Variants in SLC44A2 observed in about 807,000 individuals in gnomAD.
SLC44A2 encodes the protein choline transporter-like protein 2.
In SLC44A2, 57 loss-of-function variants were observed where a neutral mutation model predicts 90.8. That is an observed-to-expected ratio of 0.63 (90% CI 0.51 to 0.78). SLC44A2 has a LOEUF of 0.78. Among genes scored for constraint, SLC44A2 ranks in the 30% least tolerant of loss-of-function variants. SLC44A2 has a pLI of 0.00. For synonymous variants in SLC44A2, 355 were observed against 360.7 expected (o/e 0.98, Z 0.18); for missense variants, 794 against 919.7 (o/e 0.86, Z 1.77).
intron 17 of SLC44A2, 41 bp downstream of exon 17, chr19:10,637,788 G>A (rs2067074494): frequency 6.2e-7 from 1 of 1,613,134 alleles, no homozygotes; most frequent in Non-Finnish European, 8.5e-7. Flanking sequence ...GCCAGCTCCT[G>A]CTGGGTGAGA....
At chr19:10,626,369 C>G in intron 2 of SLC44A2, 68 bp downstream of exon 2, 2 of 1,194,246 alleles carry the variant, frequency 1.7e-6, no homozygotes, top group Non-Finnish European at 2.5e-6. Flanking sequence ...CTTCACACCC[C>G]CTCCCATCTG....
In SLC44A2 at chr19:10,632,262, C is replaced by A. The variant is rs577096095; in HGVS notation, c.823+106C>A. The A allele has an allele frequency of 2.5e-5, 25 of 996,744 alleles. No individual in the cohort carries two copies. In the African/African-American group the frequency reaches 3.0e-4, roughly 12 times the overall value. The allele number at this position is 996,744 out of a possible 1,614,324, so 61.7% of individuals were successfully genotyped here. ...GAAAACAAAAAAAAGTCAGGCCGGG[C>A]GTGGTGGCTCACGCCTGTAATCCCA... is the stretch of plus-strand genomic sequence containing the variant. On this transcript the variant is annotated intron_variant, in intron 10 of 21. Transcript: ENST00000335757.
intron 2 of SLC44A2, among the ~76,000 whole-genome samples, chr19:10,627,355 G>A (rs1302983703): frequency 6.6e-6 from 1 of 150,660 alleles, no homozygotes; most frequent in Non-Finnish European, 1.5e-5. Flanking sequence ...GGGCAACATA[G>A]CGAGACCTTG....
chr19:10,620,267 G>C (rs1182545191), intron 1 of SLC44A2, among the ~76,000 whole-genome samples: 1 of 152,102 alleles, frequency 6.6e-6, no homozygotes, highest in Non-Finnish European at 1.5e-5. Context: ...GATCGCCTGA[G>C]GTCAGCAGTT....
intron 1 of SLC44A2, among the ~76,000 whole-genome samples, chr19:10,606,982 G>A (rs1455657573): frequency 1.3e-5 from 2 of 148,904 alleles, no homozygotes; most frequent in African/African-American, 4.9e-5. Flanking sequence ...CACGGTCTCG[G>A]CTCACTGCAA....
intron 1 of SLC44A2, among the ~76,000 whole-genome samples, chr19:10,618,171 ATTTTT>A (rs548727188): frequency 1.2e-4 from 13 of 112,834 alleles, no homozygotes; most frequent in Admixed American, 1.9e-4. Context: ...TGCCTGGCTA[ATTTTT>A]TTTTTTTTTT....
chr19:10,612,485 G>A (rs1450125446), intron 1 of SLC44A2, among the ~76,000 whole-genome samples: 1 of 152,190 alleles, frequency 6.6e-6, no homozygotes, highest in Admixed American at 6.6e-5. Context: ...ACCCTTCTGA[G>A]CCTCCCCACC....
chr19:10,619,298 T>G (rs932427554), intron 1 of SLC44A2, among the ~76,000 whole-genome samples: 38 of 151,152 alleles, frequency 2.5e-4, no homozygotes, highest in African/African-American at 8.2e-4. Flanking sequence ...GGGCGTGGTG[T>G]TGTGTGTCTG....
intron 10 of SLC44A2, among the ~76,000 whole-genome samples, chr19:10,632,553 G>GA (rs969482614): frequency 6.9e-6 from 1 of 145,286 alleles, no homozygotes; most frequent in Non-Finnish European, 1.5e-5. Context: ...AAAAAAAAAA[G>GA]AAAAAATGTC....
At chr19:10,602,630 A>G in intron 1 of SLC44A2, 1 of 1,214,740 alleles carries the variant, frequency 8.2e-7, no homozygotes, top group Non-Finnish European at 1.0e-6. Flanking sequence ...AGCCAGGGGG[A>G]CATCTGAGAC....
At chr19:10,640,467 CAAT>C (rs2067103911) in intron 20 of SLC44A2, among the ~76,000 whole-genome samples, 1 of 151,968 alleles carries the variant, frequency 6.6e-6, no homozygotes, top group South Asian at 2.1e-4. Context: ...ACTATAATAA[CAAT>C]AATAATAGAG....
chr19:10,639,598 G>T (rs2067094702), intron 20 of SLC44A2, among the ~76,000 whole-genome samples: 1 of 152,146 alleles, frequency 6.6e-6, no homozygotes, highest in African/African-American at 2.4e-5. Flanking sequence ...GGAGATAAGG[G>T]CCAGGCACCG....
chr19:10,609,235 C>T lies in SLC44A2; in HGVS notation c.31+6674C>T, dbSNP rs1037332455. 4.9e-4 allele frequency among the ~76,000 whole-genome samples: 74 copies of T among 152,024 alleles called. 1 individual carries two copies. Among genetic ancestry groups the T allele is most frequent in the Admixed American group, 2.0e-4 (3 of 15,228 alleles). On this transcript the variant is annotated intron_variant, in intron 1 of 21. Transcript: ENST00000407327. Reference sequence around the variant, plus strand: ...CCTCCCAAAGTGCTGAGATTACAAGCGTGAGCAACCATGCCCGGCCCAGCC... The same window carrying T: ...CCTCCCAAAGTGCTGAGATTACAAGTGTGAGCAACCATGCCCGGCCCAGCC...
intron 1 of SLC44A2, among the ~76,000 whole-genome samples, chr19:10,606,974 C>G (rs773462759): frequency 2.1e-5 from 3 of 146,084 alleles, no homozygotes; most frequent in East Asian, 2.1e-4. Flanking sequence ...TGCAGTGACA[C>G]GGTCTCGGCT....
chr19:10,616,822 C>T (rs987458069), intron 1 of SLC44A2, among the ~76,000 whole-genome samples: 3 of 152,024 alleles, frequency 2.0e-5, no homozygotes, highest in African/African-American at 7.2e-5. Flanking sequence ...AGCTCACTGC[C>T]GCCTGTAACT....
chr19:10,609,538 GATCCACCCGCCTC>G (rs1568441980), intron 1 of SLC44A2, among the ~76,000 whole-genome samples: 1 of 152,016 alleles, frequency 6.6e-6, no homozygotes, highest in Non-Finnish European at 1.5e-5. Flanking sequence ...GACCTCAAGT[GATCCACCCGCCTC>G]AGTCTCCCAA....
At chr19:10,618,470 C>T (rs1448409475) in intron 1 of SLC44A2, among the ~76,000 whole-genome samples, 5 of 120,284 alleles carry the variant, frequency 4.2e-5, no homozygotes, top group Non-Finnish European at 6.6e-5. Flanking sequence ...CCACTGCGCC[C>T]GGCCTTTTTT....
chr19:10,631,147 C>G lies in SLC44A2; in HGVS notation c.330+6C>G, dbSNP rs779692366. 1.1e-5 allele frequency: 17 copies of G among 1,613,124 alleles called. No individual in the cohort carries two copies. The South Asian group carries it at 1.8e-4, about 17-fold the overall frequency. On this transcript the variant is annotated splice_donor_region_variant and intron_variant, in intron 5 of 21. Coordinates refer to ENST00000335757, the MANE Select transcript of SLC44A2 (RefSeq NM_020428.4). ...TCCAATGTCCCACTCCCCAGGTAACCTGGTCCCCACCGTTCCCTTTTTCCT... is the reference window on the plus strand; with the variant it reads ...TCCAATGTCCCACTCCCCAGGTAACGTGGTCCCCACCGTTCCCTTTTTCCT...
intron 10 of SLC44A2, among the ~76,000 whole-genome samples, chr19:10,634,224 G>A (rs2067028498): frequency 7.3e-6 from 1 of 136,970 alleles, no homozygotes; most frequent in African/African-American, 2.7e-5. Flanking sequence ...TCCTGACCTC[G>A]TGATCCACCC....
Sources: allele counts gnomAD v4.1 joint callset (sites outside exome capture counted in the v4.1 genomes callset), GRCh38; gene constraint gnomAD v4.1.1; transcripts MANE v1.5; gene names NCBI Gene and HGNC (gene_info 2026-07-23, HGNC 2026-07-21).